Variants in CCSER1 observed in about 807,000 individuals in gnomAD.
CCSER1 encodes serine-rich coiled-coil domain-containing protein 1.
CCSER1 carries 41 observed loss-of-function variants against 82.0 expected under a neutral mutation model. The observed-to-expected ratio is 0.50, with a 90% CI of 0.39 to 0.65. The LOEUF (loss-of-function observed/expected upper bound fraction) is 0.65, where lower values mean the gene tolerates loss of function less well. Among genes scored for constraint, CCSER1 ranks in the 30% least tolerant of loss-of-function variants. The pLI is 0.00. For missense variants in CCSER1, 1,119 were observed against 1,064.2 expected, an observed-to-expected ratio of 1.05 and a Z score of -0.72; for synonymous variants, 414 against 383.9, an observed-to-expected ratio of 1.08 and a Z score of -0.92.
intron 10 of CCSER1, among the ~76,000 whole-genome samples, chr4:91,565,287 G>C (rs1762836752): frequency 1.3e-5 from 2 of 152,000 alleles, no homozygotes; most frequent in Non-Finnish European, 2.9e-5. Flanking sequence ...GTACCATGCT[G>C]TTTTGTTTAC....
At chr4:90,878,677 G>A (rs930781961) in intron 8 of CCSER1, among the ~76,000 whole-genome samples, 7 of 152,168 alleles carry the variant, frequency 4.6e-5, no homozygotes, top group Admixed American at 2.6e-4. Flanking sequence ...TTAAAAACTC[G>A]CTTAAGATAT....
chr4:90,267,960 A>G (rs1725540453), intron 1 of CCSER1, among the ~76,000 whole-genome samples: 1 of 152,226 alleles, frequency 6.6e-6, no homozygotes. Context: ...AGACGCTTCC[A>G]AGGAAACCTT....
chr4:91,585,807 T>C (rs1452188389), intron 10 of CCSER1, among the ~76,000 whole-genome samples: 4 of 151,574 alleles, frequency 2.6e-5, no homozygotes, highest in Non-Finnish European at 5.9e-5. Context: ...AAAATTGTCC[T>C]AGGAAGGAAT....
intron 9 of CCSER1, among the ~76,000 whole-genome samples, chr4:90,976,673 A>G (rs1165042964): frequency 6.6e-6 from 1 of 151,610 alleles, no homozygotes; most frequent in Non-Finnish European, 1.5e-5. Flanking sequence ...GTATTTAAAT[A>G]AAGTATGTTG....
intron 1 of CCSER1, among the ~76,000 whole-genome samples, chr4:90,216,327 G>A (rs528116766): frequency 1.3e-4 from 20 of 152,236 alleles, no homozygotes; most frequent in Middle Eastern, 6.8e-3. Flanking sequence ...CTTCTTCTGT[G>A]TACTAAGGCA....
chr4:91,555,281 T>C (rs1762347739), intron 10 of CCSER1, among the ~76,000 whole-genome samples: 1 of 151,178 alleles, frequency 6.6e-6, no homozygotes, highest in Non-Finnish European at 1.5e-5. Flanking sequence ...TCTATGTGCA[T>C]TCATTTCTGT....
intron 10 of CCSER1, among the ~76,000 whole-genome samples, chr4:91,367,434 CTTT>C (rs70965489): frequency 7.7e-5 from 11 of 142,030 alleles, no homozygotes; most frequent in African/African-American, 2.1e-4. Context: ...TGATTTCTTT[CTTT>C]TTTTTTTTTT....
At chr4:91,481,683 T>C (rs1757923242) in intron 10 of CCSER1, among the ~76,000 whole-genome samples, 1 of 152,188 alleles carries the variant, frequency 6.6e-6, no homozygotes. Flanking sequence ...GTTTAGCCAT[T>C]GCTACAATCA....
chr4:90,663,407 C>T (rs995150132), intron 6 of CCSER1, among the ~76,000 whole-genome samples: 1 of 152,176 alleles, frequency 6.6e-6, no homozygotes, highest in African/African-American at 2.4e-5. Context: ...ACCAGATATT[C>T]TGGCTACACA....
At chr4:90,508,879 C>G (rs1275751214) in intron 5 of CCSER1, among the ~76,000 whole-genome samples, 1 of 152,024 alleles carries the variant, frequency 6.6e-6, no homozygotes, top group South Asian at 2.1e-4. Flanking sequence ...ATCTCAAATA[C>G]TATAACTAAA....
At chr4:90,314,763 AAAAT>A (rs910761425) in intron 3 of CCSER1, among the ~76,000 whole-genome samples, 8 of 151,616 alleles carry the variant, frequency 5.3e-5, no homozygotes, top group African/African-American at 1.9e-4. Flanking sequence ...AGATAAATAA[AAAAT>A]AAATAAATAA....
chr4:90,373,386 G>A (rs1452175350), intron 3 of CCSER1, among the ~76,000 whole-genome samples: 1 of 152,152 alleles, frequency 6.6e-6, no homozygotes, highest in Non-Finnish European at 1.5e-5. Context: ...GGATTAGTAT[G>A]TGGAAAATAT....
At chr4:91,086,131 A>G (rs888275151) in intron 10 of CCSER1, 137 bp downstream of exon 10, 1 of 609,586 alleles carries the variant, frequency 1.6e-6, no homozygotes, top group Admixed American at 2.9e-5. Flanking sequence ...TTGTCTGCAT[A>G]TGGCTCTGTT....
intron 5 of CCSER1, among the ~76,000 whole-genome samples, chr4:90,503,657 G>A (rs1770263177): frequency 6.6e-6 from 1 of 152,050 alleles, no homozygotes; most frequent in Non-Finnish European, 1.5e-5. Context: ...GTGAGAACAT[G>A]CGGTTTTTGG....
At chr4:90,835,262 G>C (rs558761239) in intron 8 of CCSER1, among the ~76,000 whole-genome samples, 3 of 152,216 alleles carry the variant, frequency 2.0e-5, no homozygotes, top group East Asian at 3.9e-4. Context: ...ACCCGGGAGG[G>C]GGAGCTTGCA....
intron 10 of CCSER1, among the ~76,000 whole-genome samples, chr4:91,141,315 C>T (rs897609926): frequency 2.6e-5 from 4 of 151,970 alleles, no homozygotes; most frequent in Admixed American, 2.0e-4. Flanking sequence ...CACCACCTGA[C>T]TAATTTTTGT....
intron 1 of CCSER1, among the ~76,000 whole-genome samples, chr4:90,288,497 G>A (rs1730317286): frequency 6.6e-6 from 1 of 151,844 alleles, no homozygotes; most frequent in Non-Finnish European, 1.5e-5. Flanking sequence ...CTCCCTCATT[G>A]GAGTAGATAC....
chr4:91,544,109 G>A (rs1310812697), intron 10 of CCSER1, among the ~76,000 whole-genome samples: 1 of 152,042 alleles, frequency 6.6e-6, no homozygotes, highest in African/African-American at 2.4e-5. Context: ...ACTGAAGCTT[G>A]TGCATGCGTC....
intron 5 of CCSER1, 88 bp from the exon 6 acceptor site, chr4:90,627,937 G>A: frequency 1.1e-6 from 1 of 928,252 alleles, no homozygotes. Flanking sequence ...TACTTTCTAG[G>A]ATACTAGAAA....
Sources: allele counts gnomAD v4.1 joint callset (sites outside exome capture counted in the v4.1 genomes callset), GRCh38; gene constraint gnomAD v4.1.1; transcripts MANE v1.5; gene names NCBI Gene and HGNC (gene_info 2026-07-23, HGNC 2026-07-21).